SLC8A1: variants seen among roughly 807,000 people sequenced by gnomAD.
The protein encoded by SLC8A1 is sodium/calcium exchanger 1.
Under a neutral mutation model 68.3 loss-of-function variants are expected in SLC8A1, and 18 were observed. The observed-to-expected ratio is 0.26, with a 90% CI of 0.18 to 0.39. The LOEUF (loss-of-function observed/expected upper bound fraction) is 0.39, where lower values mean the gene tolerates loss of function less well. Among genes scored for constraint, SLC8A1 ranks in the 10% least tolerant of loss-of-function variants. The probability of loss-of-function intolerance (pLI) is 1.00; values close to 1 mark genes in which losing one functional copy is unlikely to be tolerated. For missense variants in SLC8A1, 985 were observed against 1,156.7 expected (o/e 0.85, Z 2.15); for synonymous variants, 475 against 415.5 (o/e 1.14, Z -1.74).
At chr2:40,120,633 A>G (rs1379780089) in intron 7 of SLC8A1, 2 of 152,242 alleles carry the variant, frequency 1.3e-5, no homozygotes, top group African/African-American at 4.8e-5. Context: ...ACTCTTCACA[A>G]TAATTAACTG....
At chr2:40,321,530 A>G (rs891958595) in intron 2 of SLC8A1, among the ~76,000 whole-genome samples, 3 of 152,258 alleles carry the variant, frequency 2.0e-5, no homozygotes, top group Non-Finnish European at 4.4e-5. Context: ...TAATTTACAA[A>G]GAAAAGAGGT....
intron 2 of SLC8A1, among the ~76,000 whole-genome samples, chr2:40,382,502 C>A (rs939291180): frequency 1.3e-5 from 2 of 151,968 alleles, no homozygotes; most frequent in Non-Finnish European, 2.9e-5. Context: ...AAACAGTTAT[C>A]CCTATAAGAA....
At chr2:40,438,147 G>A (rs892183534) in intron 1 of SLC8A1, among the ~76,000 whole-genome samples, 1 of 152,152 alleles carries the variant, frequency 6.6e-6, no homozygotes, top group African/African-American at 2.4e-5. Flanking sequence ...CAGAGGCAGA[G>A]CCTTGGACTC....
chr2:40,468,573 C>T (rs1451680487), intron 1 of SLC8A1, among the ~76,000 whole-genome samples: 1 of 151,916 alleles, frequency 6.6e-6, no homozygotes, highest in Non-Finnish European at 1.5e-5. Flanking sequence ...TTGTGTATTC[C>T]CAGTGTGCAT....
At chr2:40,472,411 A>G (rs1324339141) in intron 1 of SLC8A1, among the ~76,000 whole-genome samples, 1 of 152,152 alleles carries the variant, frequency 6.6e-6, no homozygotes, top group East Asian at 1.9e-4. Flanking sequence ...CTATATTAAC[A>G]TGTCTGAATT....
chr2:40,112,357 C>T (rs2034640992), exon 8 of SLC8A1: 1 of 143,616 alleles, frequency 7.0e-6, no homozygotes, highest in Non-Finnish European at 1.5e-5. Flanking sequence ...CCAAGCTGTG[C>T]ACAATACACA....
chr2:40,102,134 C>T (rs1017333662), exon 8 of SLC8A1: 4 of 152,086 alleles, frequency 2.6e-5, no homozygotes, highest in African/African-American at 9.7e-5. Flanking sequence ...GAAGTTTAAT[C>T]AGTATATACA....
intron 2 of SLC8A1, among the ~76,000 whole-genome samples, chr2:40,206,690 A>G (rs1040012640): frequency 2.6e-5 from 4 of 152,040 alleles, no homozygotes; most frequent in African/African-American, 9.7e-5. Flanking sequence ...CCTGGGAACA[A>G]AATGTCAGAG....
chr2:40,229,575 C>A (rs1365596685), intron 2 of SLC8A1, among the ~76,000 whole-genome samples: 1 of 152,146 alleles, frequency 6.6e-6, no homozygotes. Context: ...AATGGCAAAT[C>A]TCCTAAATAA....
At chr2:40,202,892 G>A (rs989541470) in intron 2 of SLC8A1, among the ~76,000 whole-genome samples, 6 of 151,936 alleles carry the variant, frequency 3.9e-5, no homozygotes, top group African/African-American at 1.4e-4. Context: ...GGCTTTTCCA[G>A]GGGAACCTAA....
intron 2 of SLC8A1, among the ~76,000 whole-genome samples, chr2:40,355,247 C>A (rs1276105505): frequency 6.6e-6 from 1 of 152,126 alleles, no homozygotes; most frequent in Non-Finnish European, 1.5e-5. Context: ...AAACATCTAA[C>A]AAGGTGATTC....
chr2:40,230,280 C>A (rs1265922610), intron 2 of SLC8A1, among the ~76,000 whole-genome samples: 1 of 152,170 alleles, frequency 6.6e-6, no homozygotes, highest in Non-Finnish European at 1.5e-5. Flanking sequence ...ATCCTTGGCT[C>A]CAAATAAAGC....
At chr2:40,388,974 CG>C (rs1352377797) in intron 2 of SLC8A1, among the ~76,000 whole-genome samples, 1 of 151,986 alleles carries the variant, frequency 6.6e-6, no homozygotes, top group Admixed American at 6.6e-5. Flanking sequence ...GTTTAGGAAA[CG>C]TAAGTGTTCA....
intron 4 of SLC8A1, 38 bp downstream of exon 5, chr2:40,174,787 G>A: frequency 6.2e-7 from 1 of 1,603,208 alleles, no homozygotes; most frequent in Non-Finnish European, 8.5e-7. Flanking sequence ...AGAACAGACA[G>A]TAAAAGTTAG....
At chr2:40,207,176 A>G (rs2055613333) in intron 2 of SLC8A1, among the ~76,000 whole-genome samples, 1 of 152,070 alleles carries the variant, frequency 6.6e-6, no homozygotes, top group Non-Finnish European at 1.5e-5. Flanking sequence ...AATGGTATAT[A>G]CAATCAATGC....
chr2:40,374,292 C>T (rs1344768102), intron 2 of SLC8A1, among the ~76,000 whole-genome samples: 1 of 151,928 alleles, frequency 6.6e-6, no homozygotes, highest in Non-Finnish European at 1.5e-5. Flanking sequence ...CAGGTGGGTT[C>T]CTTGAGCCCA....
chr2:40,232,987 C>A (rs916412139), intron 2 of SLC8A1, among the ~76,000 whole-genome samples: 2 of 151,682 alleles, frequency 1.3e-5, no homozygotes, highest in Non-Finnish European at 2.9e-5. Context: ...TTTTCTTAAT[C>A]CAGTCTATCA....
intron 2 of SLC8A1, among the ~76,000 whole-genome samples, chr2:40,291,929 G>T (rs111412038): frequency 3.4e-5 from 5 of 146,444 alleles, no homozygotes; most frequent in African/African-American, 1.3e-4. Context: ...TTAACACCAC[G>T]AGCTCTAAAT....
chr2:40,177,935 T>C (rs1470397032), intron 2 of SLC8A1: 1 of 907,282 alleles, frequency 1.1e-6, no homozygotes, highest in Admixed American at 2.0e-5. Context: ...AGCTGAATGT[T>C]ACTGTGATGT....
Sources: gnomAD v4.1 joint callset for allele counts (sites outside exome capture counted in the v4.1 genomes callset) on GRCh38, gnomAD v4.1.1 for gene constraint, MANE v1.5 for transcripts, NCBI Gene and HGNC (gene_info 2026-07-23, HGNC 2026-07-21) for gene names.